The following SLC13A1 variants were observed in gnomAD, a reference collection of about 807,000 sequenced individuals.
SLC13A1 encodes solute carrier family 13 member 1.
Under a neutral mutation model 70.0 loss-of-function variants are expected in SLC13A1, and 65 were observed. The observed-to-expected ratio is 0.93, with a 90% CI of 0.76 to 1.14. The LOEUF is 1.14. SLC13A1 is among the 50% of genes most tolerant of loss of function. SLC13A1 has a pLI of 0.00. For synonymous variants in SLC13A1, 275 were observed against 250.5 expected, an observed-to-expected ratio of 1.10 and a Z score of -0.92; for missense variants, 726 against 717.8, an observed-to-expected ratio of 1.01 and a Z score of -0.13.
intron 7 of SLC13A1, among the ~76,000 whole-genome samples, chr7:123,135,807 G>T (rs531301773): frequency 6.6e-6 from 1 of 152,178 alleles, no homozygotes; most frequent in South Asian, 2.1e-4. Context: ...GCAACTGGAG[G>T]ATAATTTTTA....
Position 123,122,692 on chromosome 7 carries a change from C to CT in SLC13A1, c.1350+433dup, listed in dbSNP as rs201193437. ...TAAAGCTAATATTATTTCTCATTCT[C>CT]TTTTTTTTTAAATCAGCAATAGCAT... is the stretch of plus-strand genomic sequence containing the variant. On this transcript the variant is annotated intron_variant, in intron 12 of 14. Coordinates refer to ENST00000194130, the MANE Select transcript of SLC13A1 (RefSeq NM_022444.4). 2.8e-3 allele frequency among the ~76,000 whole-genome samples: 426 copies of CT among 151,248 alleles called. 1 individual carries two copies. Among genetic ancestry groups the CT allele is most frequent in the African/African-American group, 9.3e-3 (382 of 41,292 alleles).
At chr7:123,195,144 A>C (rs1796138062) in intron 1 of SLC13A1, among the ~76,000 whole-genome samples, 1 of 152,126 alleles carries the variant, frequency 6.6e-6, no homozygotes, top group African/African-American at 2.4e-5. Context: ...TTCTTGTAAA[A>C]TATTTGTGAA....
chr7:123,119,563 C>A (rs1415413204), intron 12 of SLC13A1, among the ~76,000 whole-genome samples: 1 of 151,656 alleles, frequency 6.6e-6, no homozygotes, highest in Non-Finnish European at 1.5e-5. Flanking sequence ...AGAAGAGCAA[C>A]CCTTCTGATT....
chr7:123,125,477 T>A, intron 11 of SLC13A1, 92 bp downstream of exon 11: 1 of 884,674 alleles, frequency 1.1e-6, no homozygotes, highest in Middle Eastern at 2.3e-4. Flanking sequence ...GCATAGACTT[T>A]CTTTCTGCTC....
chr7:123,182,753 A>G (rs1348204652), intron 1 of SLC13A1, among the ~76,000 whole-genome samples: 2 of 152,134 alleles, frequency 1.3e-5, no homozygotes, highest in African/African-American at 2.4e-5. Flanking sequence ...CTAAGATGGC[A>G]CAACTTTGGT....
At chr7:123,168,032 C>T (rs1374279576) in intron 6 of SLC13A1, among the ~76,000 whole-genome samples, 1 of 151,806 alleles carries the variant, frequency 6.6e-6, no homozygotes, top group Non-Finnish European at 1.5e-5. Flanking sequence ...GCACATGTAC[C>T]CCTGAAACTA....
chr7:123,149,727 A>T (rs1254776539), intron 6 of SLC13A1: 1 of 417,174 alleles, frequency 2.4e-6, no homozygotes, highest in East Asian at 7.1e-5. Flanking sequence ...AAATTGGCAC[A>T]GTTATCACAG....
intron 7 of SLC13A1, among the ~76,000 whole-genome samples, chr7:123,141,901 T>G (rs1244372316): frequency 6.6e-6 from 1 of 152,134 alleles, no homozygotes; most frequent in African/African-American, 2.4e-5. Flanking sequence ...GTCTTTGGAT[T>G]GGAGAGTTTA....
rs1218220792 is a variant in SLC13A1, at chr7:123,169,350, C to T, written c.366-15G>A. 3 of 1,608,524 alleles carry T rather than the reference C, an allele frequency of 1.9e-6. No homozygotes were observed. The highest frequency in any genetic ancestry group is 1.7e-6 in the Non-Finnish European group (2 of 1,179,200). ...CCAGCGTCAGCCTGAAACCAGAGAG[C>T]CATTATTGTGGAGCTGTGCTCTTAG... On this transcript the variant is annotated splice_polypyrimidine_tract_variant and intron_variant, in intron 3 of 14. Transcript: ENST00000194130.
At chr7:123,117,653 A>G in intron 13 of SLC13A1, 45 bp from the exon 14 acceptor site, 1 of 1,405,658 alleles carries the variant, frequency 7.1e-7, no homozygotes, top group Non-Finnish European at 9.6e-7. Flanking sequence ...TTTTGAGGGT[A>G]GACACGAAAC....
intron 1 of SLC13A1, among the ~76,000 whole-genome samples, chr7:123,199,546 T>G (rs998683778): frequency 6.6e-6 from 1 of 152,104 alleles, no homozygotes; most frequent in African/African-American, 2.4e-5. Flanking sequence ...AATGACAACT[T>G]GAACTGCAAA....
At chr7:123,151,020 T>A (rs564092063) in intron 6 of SLC13A1, among the ~76,000 whole-genome samples, 1 of 152,220 alleles carries the variant, frequency 6.6e-6, no homozygotes, top group African/African-American at 2.4e-5. Context: ...TGTATCCAAT[T>A]GCCTGTTCAA....
At chr7:123,125,500 G>T in intron 11 of SLC13A1, 69 bp downstream of exon 11, 1 of 1,168,946 alleles carries the variant, frequency 8.6e-7, no homozygotes, top group Non-Finnish European at 1.3e-6. Context: ...GGTGCCAAGC[G>T]AAACCAATGG....
chr7:123,178,860 G>T (rs1392714606), intron 2 of SLC13A1, among the ~76,000 whole-genome samples: 1 of 152,080 alleles, frequency 6.6e-6, no homozygotes, highest in East Asian at 1.9e-4. Context: ...AAGACGATAG[G>T]CTCATTCACC....
chr7:123,167,780 T>G (rs1795124078), intron 6 of SLC13A1, among the ~76,000 whole-genome samples: 2 of 152,122 alleles, frequency 1.3e-5, no homozygotes, highest in Non-Finnish European at 2.9e-5. Flanking sequence ...TTTTTTTTAG[T>G]GGCAATGGAA....
intron 7 of SLC13A1, among the ~76,000 whole-genome samples, chr7:123,144,917 T>C (rs995173863): frequency 7.2e-5 from 11 of 152,180 alleles, no homozygotes; most frequent in Non-Finnish European, 1.2e-4. Flanking sequence ...ATTTTGGGCA[T>C]TAAGTGTCAT....
At chr7:123,127,365 C>A (rs1793595644) in intron 10 of SLC13A1, among the ~76,000 whole-genome samples, 1 of 151,964 alleles carries the variant, frequency 6.6e-6, no homozygotes, top group Admixed American at 6.6e-5. Context: ...TATTGAATTA[C>A]CTATTGGGAT....
intron 13 of SLC13A1, 61 bp downstream of exon 13, chr7:123,119,020 C>A: frequency 5.6e-6 from 8 of 1,434,112 alleles, no homozygotes; most frequent in Non-Finnish European, 6.6e-6. Flanking sequence ...TGAAAACCAG[C>A]ATTCCGAAGC....
chr7:123,155,908 C>T lies in SLC13A1; in HGVS notation c.661-8598G>A, dbSNP rs1281914164. On this transcript the variant is annotated intron_variant, in intron 6 of 14. Coordinates refer to ENST00000194130, the MANE Select transcript of SLC13A1 (RefSeq NM_022444.4). ...CAGTACCCCTGTTTTCCTTGTGACA[C>T]CCTCCCCCAGCCCAGAACTGGATCT... 4.6e-5 allele frequency among the ~76,000 whole-genome samples: 7 copies of T among 152,046 alleles called. No individual in the cohort carries two copies. In the East Asian group the frequency reaches 1.2e-3, roughly 25 times the overall value.
Sources: allele counts gnomAD v4.1 joint callset (sites outside exome capture counted in the v4.1 genomes callset), GRCh38; gene constraint gnomAD v4.1.1; transcripts MANE v1.5; gene names NCBI Gene and HGNC (gene_info 2026-07-23, HGNC 2026-07-21).